DOCK2: variants seen among roughly 807,000 people sequenced by gnomAD.
DOCK2 encodes the protein dedicator of cytokinesis 2, also known as dedicator of cytokinesis protein 2.
A neutral mutation model predicts 248.9 loss-of-function variants in DOCK2; 87 were observed. The observed-to-expected ratio is 0.35, with a 90% CI of 0.29 to 0.42. The LOEUF (loss-of-function observed/expected upper bound fraction) is 0.42, where lower values mean the gene tolerates loss of function less well. DOCK2 is among the 10% of genes least tolerant of loss of function. DOCK2 has a pLI of 1.00. For synonymous variants in DOCK2, 805 were observed against 821.6 expected (o/e 0.98, Z 0.35); for missense variants, 1,747 against 2,300.2 (o/e 0.76, Z 4.92).
Position 169,738,171 on chromosome 5 carries a change from C to T in DOCK2, c.2268-9225C>T, listed in dbSNP as rs765305289. Among the ~76,000 whole-genome samples the T allele has an allele frequency of 3.9e-5, 6 of 152,124 alleles. No individual in the cohort carries two copies. In the East Asian group the frequency reaches 5.8e-4, roughly 15 times the overall value. On this transcript the variant is annotated intron_variant, in intron 22 of 51. Coordinates refer to ENST00000520908, the MANE Select transcript of DOCK2 (RefSeq NM_004946.3). ...CAGATGTCTTCTGTGTTCATGGTTGCGGCATGGGAGCAGAGGGAAAGTAGC... is the reference window on the plus strand; with the variant it reads ...CAGATGTCTTCTGTGTTCATGGTTGTGGCATGGGAGCAGAGGGAAAGTAGC...
chr5:169,945,521 C>T (rs774819794), intron 27 of DOCK2, among the ~76,000 whole-genome samples: 1 of 152,236 alleles, frequency 6.6e-6, no homozygotes, highest in Admixed American at 6.5e-5. Flanking sequence ...GCAATCTTCC[C>T]AGGCGTTCTT....
chr5:170,069,290 A>G, intron 46 of DOCK2, 70 bp downstream of exon 46: 1 of 1,528,892 alleles, frequency 6.5e-7, no homozygotes. Flanking sequence ...CACTTGCCCC[A>G]CGCTAGGCTC....
chr5:169,778,083 T>C (rs1765482465), intron 25 of DOCK2, among the ~76,000 whole-genome samples: 2 of 152,228 alleles, frequency 1.3e-5, no homozygotes, highest in South Asian at 4.1e-4. Context: ...GCAGCAGCAC[T>C]CAGCACCTTC....
rs1185381151 is a variant in DOCK2 at position 169,653,592 on chromosome 5, G to A, written c.44-811G>A. ...GCGTAGCCCTCTCCATTGTCCCAATGGTGCTGTGCTGGTCGGGGAGGAGCA... is the reference window on the plus strand; with the variant it reads ...GCGTAGCCCTCTCCATTGTCCCAATAGTGCTGTGCTGGTCGGGGAGGAGCA... On this transcript the variant is annotated intron_variant, in intron 1 of 51. Transcript: ENST00000520908. Among the ~76,000 whole-genome samples the A allele has an allele frequency of 2.6e-5, 4 of 152,222 alleles. No individual in the cohort carries two copies. In the South Asian group the frequency reaches 6.2e-4, roughly 24 times the overall value.
chr5:169,717,814 G>T (rs1581088521), intron 21 of DOCK2, among the ~76,000 whole-genome samples: 1 of 152,062 alleles, frequency 6.6e-6, no homozygotes, highest in Non-Finnish European at 1.5e-5. Context: ...GTAATCCCAG[G>T]ACTTTGGGAG....
intron 27 of DOCK2, among the ~76,000 whole-genome samples, chr5:169,958,688 A>G (rs1022536236): frequency 2.6e-5 from 4 of 152,176 alleles, no homozygotes; most frequent in African/African-American, 9.6e-5. Context: ...TCTCTTGAAG[A>G]TGGTTAAGTA....
At chr5:170,063,033 G>A (rs1187614288) in intron 44 of DOCK2, among the ~76,000 whole-genome samples, 1 of 152,160 alleles carries the variant, frequency 6.6e-6, no homozygotes, top group African/African-American at 2.4e-5. Context: ...CACACATTGA[G>A]TTTCCCAACT....
intron 27 of DOCK2, among the ~76,000 whole-genome samples, chr5:169,896,389 A>G (rs1427478010): frequency 6.6e-6 from 1 of 152,198 alleles, no homozygotes; most frequent in African/African-American, 2.4e-5. Context: ...CAGACGGCTT[A>G]GATTTCAATG....
rs1472958295 is a variant in DOCK2, at chr5:169,643,609, C to T, written c.43+6240C>T. Among the ~76,000 whole-genome samples, 81 of 152,130 alleles carry T rather than the reference C, an allele frequency of 5.3e-4. 1 individual carries two copies. Among genetic ancestry groups the T allele is most frequent in the Admixed American group, 5.3e-3 (81 of 15,284 alleles). ...CAGAGCTCAGGCTAATGCTGGATTG[C>T]CTGCTGCTCACCTCCTGCTCTGCAG... On this transcript the variant is annotated intron_variant, in intron 1 of 51. Transcript: ENST00000520908.
chr5:169,883,034 C>T (rs1297349444), intron 27 of DOCK2: 1 of 1,551,596 alleles, frequency 6.4e-7, no homozygotes, highest in East Asian at 2.4e-5. Context: ...GAGCCAAGGT[C>T]TTTGTCATCT....
chr5:169,842,767 G>A (rs1011659496), intron 27 of DOCK2, among the ~76,000 whole-genome samples: 1 of 152,098 alleles, frequency 6.6e-6, no homozygotes, highest in African/African-American at 2.4e-5. Context: ...CTAAATAAGT[G>A]CTGTATATTA....
chr5:170,067,164 A>G (rs1757521006), intron 44 of DOCK2, among the ~76,000 whole-genome samples: 1 of 152,180 alleles, frequency 6.6e-6, no homozygotes, highest in African/African-American at 2.4e-5. Flanking sequence ...CCAATAACTC[A>G]CACATAGTAT....
At chr5:169,861,881 T>C (rs970067122) in intron 27 of DOCK2, among the ~76,000 whole-genome samples, 8 of 152,226 alleles carry the variant, frequency 5.3e-5, no homozygotes, top group Non-Finnish European at 1.2e-4. Context: ...CAGCCTTGTT[T>C]GGCTGTATTT....
rs772535789 is a variant in DOCK2 at position 170,011,833 on chromosome 5, A to G, written c.3232+3087A>G. Among the ~76,000 whole-genome samples, 37 of 152,262 alleles carry G rather than the reference A, an allele frequency of 2.4e-4. 1 individual carries two copies. The highest frequency in any genetic ancestry group is 4.9e-4 in the Non-Finnish European group (33 of 68,040). On this transcript the variant is annotated intron_variant, in intron 32 of 51. Coordinates refer to ENST00000520908, the MANE Select transcript of DOCK2 (RefSeq NM_004946.3). Reference sequence around the variant, plus strand: ...CCCTCCCCTCTCTTTCTTTCTGGAAAAGGACAATATGGCTGGAGGGGCAGT... The same window carrying G: ...CCCTCCCCTCTCTTTCTTTCTGGAAGAGGACAATATGGCTGGAGGGGCAGT...
In DOCK2 at chr5:169,903,386, T is replaced by C. The variant is rs115856794; in HGVS notation, c.2799+62534T>C. On this transcript the variant is annotated intron_variant, in intron 27 of 51. Transcript: ENST00000520908. Reference sequence around the variant, plus strand: ...AATACCCACCAAGAGGAAGTCGGGGTGCCGCAGGAGTCCCTTGGAGCAGCA... The same window carrying C: ...AATACCCACCAAGAGGAAGTCGGGGCGCCGCAGGAGTCCCTTGGAGCAGCA... Among the ~76,000 whole-genome samples, 1,057 of 143,516 alleles carry C rather than the reference T, an allele frequency of 7.4e-3. 7 individuals carry two copies. Among genetic ancestry groups the C allele is most frequent in the African/African-American group, 0.026 (1,000 of 38,442 alleles). The allele number at this position is 143,516 out of a possible 152,430, so 94.2% of individuals were successfully genotyped here.
chr5:170,032,072 G>T (rs2113835190), intron 34 of DOCK2, among the ~76,000 whole-genome samples: 1 of 151,258 alleles, frequency 6.6e-6, no homozygotes, highest in East Asian at 2.0e-4. Context: ...TGTCGCCCAG[G>T]CTGGAGTGCA....
At chr5:169,939,673 A>G (rs1446197147) in intron 27 of DOCK2, among the ~76,000 whole-genome samples, 1 of 152,188 alleles carries the variant, frequency 6.6e-6, no homozygotes, top group African/African-American at 2.4e-5. Flanking sequence ...GGAATTTTTC[A>G]GCTCCATTCC....
chr5:169,985,752 A>G, intron 28 of DOCK2, 76 bp from the exon 29 acceptor site: 1 of 1,283,790 alleles, frequency 7.8e-7, no homozygotes, highest in Non-Finnish European at 1.1e-6. Context: ...TATAATAGCA[A>G]AAAAATTTGA....
At chr5:169,925,605 A>G (rs983159278) in intron 27 of DOCK2, among the ~76,000 whole-genome samples, 2 of 148,766 alleles carry the variant, frequency 1.3e-5, no homozygotes, top group African/African-American at 2.5e-5. Flanking sequence ...AAAAAAAAAA[A>G]GCATTGTCCT....
Sources: gnomAD v4.1 joint callset for allele counts (sites outside exome capture counted in the v4.1 genomes callset) on GRCh38, gnomAD v4.1.1 for gene constraint, MANE v1.5 for transcripts, NCBI Gene and HGNC (gene_info 2026-07-23, HGNC 2026-07-21) for gene names.